TMEM114: variants seen among roughly 807,000 people sequenced by gnomAD.
TMEM114 encodes transmembrane protein 114.
In TMEM114, 6 loss-of-function variants were observed where a neutral mutation model predicts 6.2. The ratio of observed to expected loss-of-function variants is 0.97; its 90% CI spans 0.53 to 1.91. The LOEUF is 1.91. TMEM114 is among the 40% of genes most tolerant of loss of function. The pLI is 0.01. For missense variants in TMEM114, 218 were observed against 158.3 expected, an observed-to-expected ratio of 1.38 and a Z score of -2.02; for synonymous variants, 104 against 73.0, an observed-to-expected ratio of 1.42 and a Z score of -2.16.
chr16:8,586,210 G>A (rs1048558830), intron 2 of TMEM114, among the ~76,000 whole-genome samples: 1 of 152,202 alleles, frequency 6.6e-6, no homozygotes, highest in Non-Finnish European at 1.5e-5. Flanking sequence ...TGCTTACTGA[G>A]CACTTACCAT....
chr16:8,570,520 C>T (rs1002547279), intron 3 of TMEM114, among the ~76,000 whole-genome samples: 5 of 152,132 alleles, frequency 3.3e-5, no homozygotes, highest in African/African-American at 1.2e-4. Context: ...TTAGTAGAGA[C>T]AGGGTTTCAC....
chr16:8,530,970 GCCGAGA>G, the TMEM114 span, among the ~76,000 whole-genome samples: 2 of 152,062 alleles, frequency 1.3e-5, no homozygotes, highest in African/African-American at 2.4e-5. Context: ...TTTGCAGTGA[GCCGAGA>G]CCATGCCACT....
At chr16:8,568,618 T>C (rs1901622673), downstream of TMEM114, among the ~76,000 whole-genome samples, 1 of 152,224 alleles carries the variant, frequency 6.6e-6, no homozygotes, top group African/African-American at 2.4e-5. Context: ...TTGTTGATAA[T>C]CGTGTTGTCA....
At chr16:8,563,321 G>T (rs1006470382) in intron 2 of TMEM114, among the ~76,000 whole-genome samples, 5 of 137,356 alleles carry the variant, frequency 3.6e-5, no homozygotes, top group Admixed American at 3.0e-4. Flanking sequence ...GAGGGAGGGA[G>T]GGTATGAGTG....
intron 2 of TMEM114, among the ~76,000 whole-genome samples, chr16:8,560,226 G>A (rs2141668033): frequency 6.6e-6 from 1 of 151,866 alleles, no homozygotes; most frequent in Non-Finnish European, 1.5e-5. Context: ...TCAAACTCCT[G>A]GGCTCAAGCG....
At chr16:8,538,338 A>G (rs1370476361) in intron 2 of TMEM114, among the ~76,000 whole-genome samples, 1 of 151,876 alleles carries the variant, frequency 6.6e-6, no homozygotes, top group East Asian at 1.9e-4. Flanking sequence ...GGGAAGCCAA[A>G]GAATTGATGG....
chr16:8,538,699 G>A (rs1284631406), intron 2 of TMEM114, among the ~76,000 whole-genome samples: 1 of 151,974 alleles, frequency 6.6e-6, no homozygotes, highest in Non-Finnish European at 1.5e-5. Context: ...GTAGAGATGG[G>A]GTTTCACCCT....
At chr16:8,583,444 C>A (rs1185152016) in intron 2 of TMEM114, among the ~76,000 whole-genome samples, 1 of 152,058 alleles carries the variant, frequency 6.6e-6, no homozygotes, top group African/African-American at 2.4e-5. Context: ...GCAGGTGACT[C>A]ATCAGAAGTC....
At chr16:8,528,222 T>C in the TMEM114 span, among the ~76,000 whole-genome samples, 1 of 148,676 alleles carries the variant, frequency 6.7e-6, no homozygotes, top group East Asian at 2.0e-4. Flanking sequence ...TAGTTTCTGA[T>C]ATGAATTTGT....
chr16:8,558,345 C>T (rs995066340), intron 2 of TMEM114, among the ~76,000 whole-genome samples: 1 of 152,162 alleles, frequency 6.6e-6, no homozygotes, highest in African/African-American at 2.4e-5. Flanking sequence ...TTGCCTATTC[C>T]AGCTCCTGGT....
intron 2 of TMEM114, among the ~76,000 whole-genome samples, chr16:8,553,010 C>G (rs5029592): frequency 0.43 from 65,292 of 152,158 alleles, 14,788 homozygotes; most frequent in African/African-American, 0.56. Flanking sequence ...CTTGGCTCTG[C>G]TCACTTGCTA....
intron 2 of TMEM114, among the ~76,000 whole-genome samples, chr16:8,541,227 G>T (rs1900507921): frequency 6.6e-6 from 1 of 152,144 alleles, no homozygotes; most frequent in Non-Finnish European, 1.5e-5. Context: ...GGGGAAACAG[G>T]CTTGAGGTCA....
At chr16:8,545,832 C>T (rs1017239932) in intron 2 of TMEM114, among the ~76,000 whole-genome samples, 1 of 152,082 alleles carries the variant, frequency 6.6e-6, no homozygotes, top group Non-Finnish European at 1.5e-5. Flanking sequence ...AATAAATGCT[C>T]AGCCAGGCAT....
downstream of TMEM114, among the ~76,000 whole-genome samples, chr16:8,565,818 A>G (rs886925019): frequency 2.6e-5 from 4 of 152,120 alleles, no homozygotes; most frequent in Non-Finnish European, 4.4e-5. Context: ...CGAGGGTCTG[A>G]TTGCATTTGG....
At chr16:8,527,552 A>T in the TMEM114 span, among the ~76,000 whole-genome samples, 1 of 143,108 alleles carries the variant, frequency 7.0e-6, no homozygotes, top group African/African-American at 2.6e-5. Context: ...GATTTTTTTT[A>T]ATCATGGAAT....
At chr16:8,551,788 T>A (rs958507568) in intron 2 of TMEM114, among the ~76,000 whole-genome samples, 1 of 152,210 alleles carries the variant, frequency 6.6e-6, no homozygotes, top group Non-Finnish European at 1.5e-5. Flanking sequence ...TTCAAGCTCA[T>A]GTACCAAATG....
downstream of TMEM114, among the ~76,000 whole-genome samples, chr16:8,569,296 C>CTAATGTCATGA (rs1901640718): frequency 2.0e-5 from 3 of 152,132 alleles, no homozygotes; most frequent in Non-Finnish European, 4.4e-5. Context: ...CCGTAGAAAG[C>CTAATGTCATGA]CCATGTCATG....
chr16:8,542,291 C>G (rs1900538707), intron 2 of TMEM114, among the ~76,000 whole-genome samples: 1 of 152,174 alleles, frequency 6.6e-6, no homozygotes, highest in Admixed American at 6.5e-5. Context: ...GTTCTTTTCC[C>G]TGTTTTAACA....
At chr16:8,543,846 C>T (rs541187060) in intron 2 of TMEM114, among the ~76,000 whole-genome samples, 1 of 152,312 alleles carries the variant, frequency 6.6e-6, no homozygotes, top group East Asian at 1.9e-4. Flanking sequence ...TAAATATTCT[C>T]TATAGCTACT....
Sources: allele counts gnomAD v4.1 joint callset (sites outside exome capture counted in the v4.1 genomes callset), GRCh38; gene constraint gnomAD v4.1.1; transcripts MANE v1.5; gene names NCBI Gene and HGNC (gene_info 2026-07-23, HGNC 2026-07-21).